The following PSD3 variants were observed in gnomAD, a reference collection of about 807,000 sequenced individuals.
PSD3 encodes PH and SEC7 domain-containing protein 3.
A neutral mutation model predicts 105.5 loss-of-function variants in PSD3; 49 were observed. The ratio of observed to expected loss-of-function variants is 0.46; its 90% CI spans 0.37 to 0.59. The LOEUF is 0.59. PSD3 is among the 20% of genes least tolerant of loss of function. PSD3 has a pLI of 0.00. For synonymous variants in PSD3, 557 were observed against 457.8 expected, an observed-to-expected ratio of 1.22 and a Z score of -2.77; for missense variants, 1,561 against 1,263.8, an observed-to-expected ratio of 1.24 and a Z score of -3.57.
At chr8:18,832,281 T>A (rs954980459) in intron 4 of PSD3, among the ~76,000 whole-genome samples, 2 of 152,078 alleles carry the variant, frequency 1.3e-5, no homozygotes, top group African/African-American at 2.4e-5. Flanking sequence ...TTGCTTCACG[T>A]CCAAGGATGC....
At chr8:18,618,848 C>G (rs1242978343) in intron 11 of PSD3, among the ~76,000 whole-genome samples, 1 of 152,052 alleles carries the variant, frequency 6.6e-6, no homozygotes, top group Non-Finnish European at 1.5e-5. Context: ...GTTTGGCTAA[C>G]TTTTTATTCT....
At chr8:18,667,640 C>T (rs1799548076) in intron 9 of PSD3, among the ~76,000 whole-genome samples, 1 of 152,224 alleles carries the variant, frequency 6.6e-6, no homozygotes. Context: ...CTGAACCAGG[C>T]GGCAGGCAGA....
At chr8:18,840,580 T>C (rs1814537944) in intron 4 of PSD3, among the ~76,000 whole-genome samples, 2 of 152,236 alleles carry the variant, frequency 1.3e-5, no homozygotes, top group South Asian at 4.1e-4. Context: ...ACAACAATCC[T>C]GCGAAGTAGG....
At chr8:18,867,593 A>G (rs1161934320) in intron 4 of PSD3, 81 bp downstream of exon 4, 4 of 1,484,782 alleles carry the variant, frequency 2.7e-6, no homozygotes, top group Non-Finnish European at 3.6e-6. Context: ...TGATTTAAAT[A>G]TATATTCCAC....
chr8:18,914,918 G>C (rs564305834), intron 2 of PSD3, among the ~76,000 whole-genome samples: 1 of 152,248 alleles, frequency 6.6e-6, no homozygotes, highest in Non-Finnish European at 1.5e-5. Flanking sequence ...GCAAAACAAA[G>C]CTGGAGGCAT....
At chr8:18,576,972 G>T (rs549600046) in intron 12 of PSD3, among the ~76,000 whole-genome samples, 7 of 149,560 alleles carry the variant, frequency 4.7e-5, no homozygotes, top group African/African-American at 1.7e-4. Flanking sequence ...TTAATATTTT[G>T]TTGTTGTTTG....
chr8:18,924,761 C>T (rs1189949156), intron 2 of PSD3: 1 of 152,040 alleles, frequency 6.6e-6, no homozygotes, highest in South Asian at 2.1e-4. Context: ...CAACATTCAC[C>T]CAACACATTC....
intron 8 of PSD3, among the ~76,000 whole-genome samples, chr8:18,776,535 A>G (rs1212995562): frequency 6.6e-6 from 1 of 151,560 alleles, no homozygotes; most frequent in Non-Finnish European, 1.5e-5. Flanking sequence ...AGGCCACCAC[A>G]CCTGGCTACT....
intron 1 of PSD3, among the ~76,000 whole-genome samples, chr8:18,994,590 G>C (rs1417970380): frequency 6.6e-6 from 1 of 151,984 alleles, no homozygotes; most frequent in Non-Finnish European, 1.5e-5. Context: ...ATATAGGCCA[G>C]ATTTCTAAGT....
intron 10 of PSD3, among the ~76,000 whole-genome samples, chr8:18,637,656 C>T (rs1041385414): frequency 6.6e-6 from 1 of 152,098 alleles, no homozygotes; most frequent in African/African-American, 2.4e-5. Context: ...TATGGTCGTG[C>T]CAGTTTGTTT....
chr8:18,968,578 T>C (rs1183706675), intron 1 of PSD3, among the ~76,000 whole-genome samples: 1 of 152,152 alleles, frequency 6.6e-6, no homozygotes, highest in Non-Finnish European at 1.5e-5. Flanking sequence ...GAGCATACTT[T>C]AAAATGTTGT....
At chr8:19,074,601 ATATATATATATTTTTTTTTT>A (rs1829389678) in intron 1 of PSD3, among the ~76,000 whole-genome samples, 1 of 54,808 alleles carries the variant, frequency 1.8e-5, no homozygotes, top group African/African-American at 5.4e-5. Context: ...ACATATATAT[ATATATATATATTTTTTTTTT>A]TTTTTTTTTT....
At chr8:18,545,460 T>C (rs1204952215) in intron 15 of PSD3, among the ~76,000 whole-genome samples, 1 of 152,090 alleles carries the variant, frequency 6.6e-6, no homozygotes, top group Non-Finnish European at 1.5e-5. Flanking sequence ...TTACCGAGTT[T>C]GTTGTTCAAC....
At chr8:18,567,767 T>C (rs950475386) in intron 14 of PSD3, among the ~76,000 whole-genome samples, 1 of 152,130 alleles carries the variant, frequency 6.6e-6, no homozygotes, top group African/African-American at 2.4e-5. Context: ...GCCAATGTGG[T>C]TTGTCTTCCC....
chr8:18,561,470 C>T (rs1801393667), intron 14 of PSD3, among the ~76,000 whole-genome samples: 1 of 151,930 alleles, frequency 6.6e-6, no homozygotes, highest in East Asian at 1.9e-4. Flanking sequence ...AGGCTGGGGG[C>T]AAGGGACTGG....
intron 9 of PSD3, among the ~76,000 whole-genome samples, chr8:18,750,983 A>G (rs563589909): frequency 1.3e-5 from 2 of 152,220 alleles, no homozygotes; most frequent in Non-Finnish European, 2.9e-5. Flanking sequence ...GGCTTCACCC[A>G]GTGGATCCCG....
chr8:18,858,175 T>C (rs1816170587), intron 4 of PSD3, among the ~76,000 whole-genome samples: 2 of 152,200 alleles, frequency 1.3e-5, no homozygotes, highest in East Asian at 1.9e-4. Context: ...AATATCACAA[T>C]AGAGCAAGTG....
chr8:18,810,194 C>T (rs1281868522), intron 4 of PSD3, among the ~76,000 whole-genome samples: 2 of 152,194 alleles, frequency 1.3e-5, no homozygotes, highest in African/African-American at 2.4e-5. Context: ...AAAATCTCAT[C>T]GCTTTCACCT....
chr8:18,615,347 C>T (rs1410092016), intron 11 of PSD3, among the ~76,000 whole-genome samples: 16 of 152,230 alleles, frequency 1.1e-4, no homozygotes, highest in Non-Finnish European at 2.1e-4. Context: ...TTAGCCTGTG[C>T]GGTCTAACCC....
Sources: gnomAD v4.1 joint callset for allele counts (sites outside exome capture counted in the v4.1 genomes callset) on GRCh38, gnomAD v4.1.1 for gene constraint, MANE v1.5 for transcripts, NCBI Gene and HGNC (gene_info 2026-07-23, HGNC 2026-07-21) for gene names.